Variants in ZNF519 observed in about 807,000 individuals in gnomAD.
ZNF519 encodes the protein zinc finger protein 519, also known as similar to Zinc finger protein 85 (Zinc finger protein HPF4) (HTF1).
ZNF519 carries 7 observed loss-of-function variants against 7.4 expected under a neutral mutation model. That is an observed-to-expected ratio of 0.94 (90% CI 0.54 to 1.77). The LOEUF (loss-of-function observed/expected upper bound fraction) is 1.77, where lower values mean the gene tolerates loss of function less well. ZNF519 is among the 40% of genes most tolerant of loss of function. The pLI is 0.00. For synonymous variants in ZNF519, 179 were observed against 203.3 expected (o/e 0.88, Z 1.02); for missense variants, 586 against 623.1 (o/e 0.94, Z 0.63).
In ZNF519 at chr18:14,101,475, C is replaced by T; in HGVS notation, c.*3442G>A. The T allele has an allele frequency of 2.5e-6, 1 of 394,874 alleles. No homozygotes were observed. The highest frequency in any genetic ancestry group is 4.5e-6 in the Non-Finnish European group (1 of 224,284). 24.5% of individuals were successfully genotyped at this position (394,874 alleles called of 1,614,324 possible). ...TACAAATATGTGAAAGCCGATTGTA[C>T]ACCTGAACAGTGCTGGGGTGAAATG... On this transcript the variant is annotated 3_prime_UTR_variant, in exon 3 of 3. Transcript: ENST00000590202.
chr18:14,131,724 T>C (rs2046331213), intron 1 of ZNF519, among the ~76,000 whole-genome samples: 2 of 151,958 alleles, frequency 1.3e-5, no homozygotes, highest in African/African-American at 2.4e-5. Context: ...ACCAGGAAAT[T>C]TCCACCCAGA....
intron 3 of ZNF519, among the ~76,000 whole-genome samples, chr18:14,083,068 G>A (rs747281491): frequency 6.6e-6 from 1 of 152,138 alleles, no homozygotes; most frequent in East Asian, 1.9e-4. Context: ...AAAAAGACCC[G>A]GTCAGGTGCA....
At position 14,104,062 on chromosome 18, in the gene ZNF519, A is replaced by G. The variant is rs1051293743; in HGVS notation, c.*855T>C. The G allele has an allele frequency of 6.6e-6, 1 of 152,182 alleles. No homozygotes were observed. The highest frequency in any genetic ancestry group is 2.4e-5 in the African/African-American group (1 of 41,444). 9.4% of individuals were successfully genotyped at this position (152,182 alleles called of 1,614,324 possible). A position where few individuals can be genotyped will look rare whatever the true frequency, so the allele number is the denominator to read the frequency against. Reference sequence around the variant, plus strand: ...TCTTAAACTGAGCCTAAGTATTTAGAGGATTGAATTAATAATCTATGTTCT... The same window carrying G: ...TCTTAAACTGAGCCTAAGTATTTAGGGGATTGAATTAATAATCTATGTTCT... On this transcript the variant is annotated 3_prime_UTR_variant, in exon 3 of 3. Coordinates refer to ENST00000590202, the MANE Select transcript of ZNF519 (RefSeq NM_145287.4).
chr18:14,130,533 G>T (rs2046324000), intron 1 of ZNF519, among the ~76,000 whole-genome samples: 1 of 152,008 alleles, frequency 6.6e-6, no homozygotes, highest in South Asian at 2.1e-4. Flanking sequence ...TCTGGAACAG[G>T]GACATATGAC....
rs555782027 is a variant in ZNF519, at chr18:14,093,551, TAAAAGA to T, written c.131-8481_131-8476del. On this transcript the variant is annotated intron_variant and NMD_transcript_variant, in intron 2 of 4. Transcript: ENST00000587419. ...TGTACATATTCTTAATGGCTACTAT[TAAAAGA>T]AAAACTTTAAACAAATTAAGAGTTT... Among the ~76,000 whole-genome samples, 840 of 152,310 alleles carry T rather than the reference TAAAAGA, an allele frequency of 5.5e-3. 6 individuals carry two copies. Among genetic ancestry groups the T allele is most frequent in the Middle Eastern group, 0.041 (12 of 294 alleles).
intron 2 of ZNF519, among the ~76,000 whole-genome samples, chr18:14,111,200 A>T (rs560988795): frequency 8.7e-5 from 13 of 149,676 alleles, no homozygotes; most frequent in Admixed American, 4.0e-4. Context: ...CTTTAGCCAG[A>T]CTAAGAAAAA....
At chr18:14,080,192 T>C (rs1408307341) in intron 3 of ZNF519, 1 of 151,700 alleles carries the variant, frequency 6.6e-6, no homozygotes, top group Non-Finnish European at 1.5e-5. Context: ...CACTTACCTA[T>C]AATGGCCAAA....
At chr18:14,127,462 C>G (rs2046306186) in intron 1 of ZNF519, among the ~76,000 whole-genome samples, 1 of 152,138 alleles carries the variant, frequency 6.6e-6, no homozygotes, top group Non-Finnish European at 1.5e-5. Context: ...AGAGTAAAAC[C>G]AGAGGAAAGA....
At chr18:14,108,774 TAAG>T (rs2046206801) in intron 2 of ZNF519, among the ~76,000 whole-genome samples, 1 of 152,074 alleles carries the variant, frequency 6.6e-6, no homozygotes, top group Admixed American at 6.5e-5. Flanking sequence ...GACAAAACTA[TAAG>T]AAGAGACAAA....
At chr18:14,073,724 A>G (rs2046037004), downstream of ZNF519, 1 of 152,234 alleles carries the variant, frequency 6.6e-6, no homozygotes, top group African/African-American at 2.4e-5. Flanking sequence ...ATATACTTAA[A>G]TATCTTCCCA....
At chr18:14,117,167 C>G (rs1555633098) in intron 2 of ZNF519, among the ~76,000 whole-genome samples, 1 of 151,398 alleles carries the variant, frequency 6.6e-6, no homozygotes, top group Admixed American at 6.6e-5. Flanking sequence ...GTGAAGTAAG[C>G]AGAAGAAGAA....
At chr18:14,115,412 A>G (rs1033964364) in intron 2 of ZNF519, among the ~76,000 whole-genome samples, 2 of 152,218 alleles carry the variant, frequency 1.3e-5, no homozygotes, top group African/African-American at 4.8e-5. Context: ...CCTAAAAATT[A>G]TATCAGAACT....
rs139105491 is a variant in ZNF519, at chr18:14,116,127, G to T, written c.130+8223C>A. ...TTTCTTACCACATGGAATAAAACTAGAAATCAAAAGCAGAAGCAAAATTGC... is the reference window on the plus strand; with the variant it reads ...TTTCTTACCACATGGAATAAAACTATAAATCAAAAGCAGAAGCAAAATTGC... On this transcript the variant is annotated intron_variant, in intron 2 of 2. Coordinates refer to ENST00000590202, the MANE Select transcript of ZNF519 (RefSeq NM_145287.4). Among the ~76,000 whole-genome samples, 1,018 of 152,178 alleles carry T rather than the reference G, an allele frequency of 6.7e-3. 12 individuals carry two copies. Among genetic ancestry groups the T allele is most frequent in the African/African-American group, 0.024 (982 of 41,506 alleles).
At chr18:14,110,854 G>T (rs1384412301) in intron 2 of ZNF519, among the ~76,000 whole-genome samples, 1 of 152,120 alleles carries the variant, frequency 6.6e-6, no homozygotes, top group Non-Finnish European at 1.5e-5. Flanking sequence ...GGATGCAAAG[G>T]CATAAGAGTA....
Position 14,104,186 on chromosome 18 carries a change from C to T in ZNF519, c.*731G>A, listed in dbSNP as rs571230475. 6.6e-6 allele frequency: 1 copy of T among 152,252 alleles called. No individual in the cohort carries two copies. Among genetic ancestry groups the T allele is most frequent in the African/African-American group, 2.4e-5 (1 of 41,558 alleles). 9.4% of individuals were successfully genotyped at this position (152,252 alleles called of 1,614,324 possible). ...CTTCTAACTTGCTGCTATGAAGATACATTAGAATATTAATGGACTAGCAAG... is the reference window on the plus strand; with the variant it reads ...CTTCTAACTTGCTGCTATGAAGATATATTAGAATATTAATGGACTAGCAAG... On this transcript the variant is annotated 3_prime_UTR_variant, in exon 3 of 3. Transcript: ENST00000590202.
At chr18:14,109,583 T>C (rs540224743) in intron 2 of ZNF519, among the ~76,000 whole-genome samples, 8 of 152,084 alleles carry the variant, frequency 5.3e-5, no homozygotes, top group Admixed American at 6.6e-5. Flanking sequence ...TATAAATACA[T>C]AGAATTTAAA....
intron 2 of ZNF519, among the ~76,000 whole-genome samples, chr18:14,114,270 T>G (rs72636766): frequency 0.21 from 31,319 of 152,124 alleles, 4,008 homozygotes; most frequent in East Asian, 0.67. Context: ...TTCATAGTTT[T>G]GGGTCTTAGT....
chr18:14,131,658 G>A (rs973019511), intron 1 of ZNF519, among the ~76,000 whole-genome samples: 1 of 152,072 alleles, frequency 6.6e-6, no homozygotes, highest in Non-Finnish European at 1.5e-5. Flanking sequence ...ACCTTAGGAG[G>A]AAACGAAATT....
intron 1 of ZNF519, among the ~76,000 whole-genome samples, chr18:14,128,198 C>T (rs2046310545): frequency 2.0e-5 from 3 of 151,974 alleles, no homozygotes; most frequent in Admixed American, 6.6e-5. Flanking sequence ...GAGGCTGAGC[C>T]AGGAGAATGG....
Sources: gnomAD v4.1 joint callset for allele counts (sites outside exome capture counted in the v4.1 genomes callset) on GRCh38, gnomAD v4.1.1 for gene constraint, MANE v1.5 for transcripts, NCBI Gene and HGNC (gene_info 2026-07-23, HGNC 2026-07-21) for gene names.